The following FAT3 variants were observed in gnomAD, a reference collection of about 807,000 sequenced individuals.
FAT3 encodes protocadherin Fat 3.
A neutral mutation model predicts 310.2 loss-of-function variants in FAT3; 95 were observed. The observed-to-expected ratio is 0.31, with a 90% CI of 0.26 to 0.36. FAT3 has a LOEUF of 0.36. FAT3 is among the 10% of genes least tolerant of loss of function. The pLI is 1.00. For synonymous variants in FAT3, 2,314 were observed against 2,192.9 expected, an observed-to-expected ratio of 1.06 and a Z score of -1.54; for missense variants, 5,408 against 5,715.6, an observed-to-expected ratio of 0.95 and a Z score of 1.74.
chr11:92,815,715 G>A (rs1468210041), intron 13 of FAT3, among the ~76,000 whole-genome samples: 1 of 152,206 alleles, frequency 6.6e-6, no homozygotes, highest in Non-Finnish European at 1.5e-5. Context: ...ATGGGCACCA[G>A]GTGAAGGTGC....
At chr11:92,888,019 T>C (rs1435885789) in intron 25 of FAT3, among the ~76,000 whole-genome samples, 1 of 152,230 alleles carries the variant, frequency 6.6e-6, no homozygotes, top group African/African-American at 2.4e-5. Context: ...ATTTTTTGCA[T>C]GTGCTGAGTC....
At chr11:92,511,267 T>C (rs1250465622) in intron 2 of FAT3, among the ~76,000 whole-genome samples, 1 of 152,232 alleles carries the variant, frequency 6.6e-6, no homozygotes, top group East Asian at 1.9e-4. Flanking sequence ...GCTTGAATTA[T>C]CACTTCTTCA....
chr11:92,297,410 G>A (rs1419806796), intron 1 of FAT3, among the ~76,000 whole-genome samples: 1 of 151,916 alleles, frequency 6.6e-6, no homozygotes, highest in Non-Finnish European at 1.5e-5. Flanking sequence ...CAACTAAATG[G>A]TTACATACTT....
At chr11:92,664,431 A>G (rs1352077182) in intron 3 of FAT3, among the ~76,000 whole-genome samples, 1 of 152,204 alleles carries the variant, frequency 6.6e-6, no homozygotes, top group Non-Finnish European at 1.5e-5. Context: ...AAGGACAGAG[A>G]TGACTACAAT....
At chr11:92,759,597 A>G (rs1490962870) in intron 4 of FAT3, among the ~76,000 whole-genome samples, 1 of 152,102 alleles carries the variant, frequency 6.6e-6, no homozygotes, top group African/African-American at 2.4e-5. Flanking sequence ...GGATGCCCTT[A>G]TGGCCTGAGG....
chr11:92,386,792 T>G (rs1949633507), intron 2 of FAT3, among the ~76,000 whole-genome samples: 1 of 152,200 alleles, frequency 6.6e-6, no homozygotes, highest in Non-Finnish European at 1.5e-5. Flanking sequence ...ACTGCTCCCA[T>G]TACAGCTTGA....
chr11:92,516,431 T>C (rs1953486835), intron 2 of FAT3, among the ~76,000 whole-genome samples: 1 of 152,126 alleles, frequency 6.6e-6, no homozygotes, highest in Non-Finnish European at 1.5e-5. Context: ...TTCAATAAAA[T>C]TAAACACCCC....
chr11:92,611,324 C>G (rs1940550498), intron 3 of FAT3, among the ~76,000 whole-genome samples: 1 of 152,104 alleles, frequency 6.6e-6, no homozygotes, highest in Non-Finnish European at 1.5e-5. Context: ...TGATGTCACC[C>G]AAGCTGATCT....
chr11:92,890,929 G>T lies in FAT3; in HGVS notation c.13586G>T (p.Gly4529Val). The T allele has an allele frequency of 1.2e-6, 2 of 1,614,028 alleles. No homozygotes were observed. Among genetic ancestry groups the T allele is most frequent in the South Asian group, 2.2e-5 (2 of 91,076 alleles). ...ATGAACCAGGGCACAGAGCCCACAG[G>T]CCCAGCAGACAGCGTGTCTCTGTCC... ...VSMNQGTEPT[G>V]PADSVSLSLH... Residue 4529 changes from glycine (G) to valine (V), a missense_variant, in exon 28 of 28, where the codon GGC becomes GTC. This residue lies in a region of FAT3 where 649 missense variants were observed against 666.2 expected (regional missense o/e 0.97). Coordinates refer to ENST00000525166, the MANE Select transcript of FAT3 (RefSeq NM_001367949.2).
intron 4 of FAT3, among the ~76,000 whole-genome samples, chr11:92,714,330 T>C (rs1259740747): frequency 1.3e-5 from 2 of 152,118 alleles, no homozygotes; most frequent in Non-Finnish European, 2.9e-5. Flanking sequence ...CCATGTAAGA[T>C]AATCCTCCAC....
chr11:92,441,858 A>G (rs1951070739), intron 2 of FAT3, among the ~76,000 whole-genome samples: 1 of 151,774 alleles, frequency 6.6e-6, no homozygotes, highest in African/African-American at 2.4e-5. Flanking sequence ...GAACCTCATC[A>G]ACTTCTTGCA....
rs1164760261 is a variant in FAT3 at position 92,797,816 on chromosome 11, C to T, written c.4823-20C>T. 3 of 1,590,712 alleles carry T rather than the reference C, an allele frequency of 1.9e-6. No individual in the cohort carries two copies. The highest frequency in any genetic ancestry group is 2.7e-5 in the African/African-American group (2 of 74,294). Reference sequence around the variant, plus strand: ...GTGACCCACATGTAACTCATTTCACCATTGATTTCTGTATTTTAGGGAACA... The same window carrying T: ...GTGACCCACATGTAACTCATTTCACTATTGATTTCTGTATTTTAGGGAACA... On this transcript the variant is annotated intron_variant, in intron 9 of 27. Coordinates refer to ENST00000525166, the MANE Select transcript of FAT3 (RefSeq NM_001367949.2).
intron 15 of FAT3, among the ~76,000 whole-genome samples, chr11:92,835,373 T>A (rs1344224293): frequency 2.6e-5 from 4 of 152,212 alleles, no homozygotes; most frequent in African/African-American, 7.2e-5. Flanking sequence ...GAATTTTTAA[T>A]GATGGCCCCC....
At chr11:92,588,338 T>C (rs753084409) in intron 3 of FAT3, among the ~76,000 whole-genome samples, 53 of 152,142 alleles carry the variant, frequency 3.5e-4, no homozygotes, top group South Asian at 6.2e-4. Context: ...GATGAATTTT[T>C]TTTTCAGTAA....
intron 1 of FAT3, among the ~76,000 whole-genome samples, chr11:92,226,865 C>G (rs910094758): frequency 2.6e-5 from 4 of 152,126 alleles, no homozygotes; most frequent in African/African-American, 9.7e-5. Context: ...GCTGGGACCG[C>G]GGTAATGATT....
At chr11:92,358,088 G>A (rs925878955) in intron 2 of FAT3, among the ~76,000 whole-genome samples, 2 of 151,736 alleles carry the variant, frequency 1.3e-5, no homozygotes, top group South Asian at 4.2e-4. Context: ...CAGGAAGGAG[G>A]ATCACTTGAA....
intron 1 of FAT3, among the ~76,000 whole-genome samples, chr11:92,233,392 G>A (rs12286477): frequency 0.015 from 2,268 of 152,210 alleles, 70 homozygotes; most frequent in African/African-American, 0.052. Flanking sequence ...ACATTACATC[G>A]TTGGTCGTTT....
At chr11:92,439,516 ATGCAAGAATGGATATGACAGGGTGTCTGC>A (rs1951020140) in intron 2 of FAT3, among the ~76,000 whole-genome samples, 1 of 152,138 alleles carries the variant, frequency 6.6e-6, no homozygotes, top group Non-Finnish European at 1.5e-5. Flanking sequence ...GCTCTGGTGA[ATGCAAGAATGGATATGACAGGGTGTCTGC>A]CTTTCGGGAG....
chr11:92,861,703 A>G (rs1591825280), intron 21 of FAT3, among the ~76,000 whole-genome samples: 3 of 152,258 alleles, frequency 2.0e-5, no homozygotes, highest in Admixed American at 2.0e-4. Context: ...TACAGTCGCC[A>G]GGAATATCCA....
Sources: gnomAD v4.1 joint callset for allele counts (sites outside exome capture counted in the v4.1 genomes callset) on GRCh38, gnomAD v4.1.1 for gene constraint, gnomAD v4.1.1 regional missense constraint, MANE v1.5 for transcripts, NCBI Gene and HGNC (gene_info 2026-07-23, HGNC 2026-07-21) for gene names.